Variants in PCDH11X observed in about 807,000 individuals in gnomAD.
PCDH11X encodes the protein protocadherin 11 X-linked.
PCDH11X carries 18 observed loss-of-function variants against 53.3 expected under a neutral mutation model. The ratio of observed to expected loss-of-function variants is 0.34; its 90% CI spans 0.23 to 0.50. PCDH11X has a LOEUF of 0.50. Among genes scored for constraint, PCDH11X ranks in the 20% least tolerant of loss-of-function variants. The pLI is 0.98. For synonymous variants in PCDH11X, 279 were observed against 393.3 expected, an observed-to-expected ratio of 0.71 and a Z score of 3.44; for missense variants, 570 against 1,032.4, an observed-to-expected ratio of 0.55 and a Z score of 6.14.
chrX:92,585,234 G>A (rs183326021), intron 10 of PCDH11X, among the ~76,000 whole-genome samples: 24 of 110,673 alleles, frequency 2.2e-4, no homozygotes, highest in African/African-American at 7.6e-4. Context: ...CCCGTAATCC[G>A]ATCACCTCCC....
At chrX:92,537,839 T>C (rs1241720639) in intron 10 of PCDH11X, among the ~76,000 whole-genome samples, 1 of 109,747 alleles carries the variant, frequency 9.1e-6, no homozygotes, top group Non-Finnish European at 1.9e-5. Flanking sequence ...TTTTTGTATA[T>C]TGATTTTGTA....
At chrX:92,337,165 G>A (rs2069640886) in intron 8 of PCDH11X, among the ~76,000 whole-genome samples, 1 of 107,684 alleles carries the variant, frequency 9.3e-6, no homozygotes, top group South Asian at 4.1e-4. Context: ...ATGGCCAGTG[G>A]AATGCAATTT....
intron 8 of PCDH11X, among the ~76,000 whole-genome samples, chrX:92,270,234 G>A (rs1481671155): frequency 9.2e-6 from 1 of 108,461 alleles, no homozygotes; most frequent in African/African-American, 3.4e-5. Flanking sequence ...TCAGGCTCCT[G>A]TTCCAAGTAG....
rs751795087 is a variant in PCDH11X, at chrX:92,364,855, A to G, written c.3145-22880A>G. On this transcript the variant is annotated intron_variant, in intron 8 of 10. Transcript: ENST00000682573. ...TGTAGTGCACTAAAAAGACTGCAAG[A>G]TTGCACCTGTGAATAGACACTCCAC... Among the ~76,000 whole-genome samples the G allele has an allele frequency of 1.1e-4, 10 of 94,255 alleles. No individual in the cohort carries two copies. In the South Asian group the frequency reaches 5.4e-3, roughly 51 times the overall value. 81.8% of individuals were successfully genotyped at this position (94,255 alleles called of 115,157 possible).
At chrX:92,605,464 A>G (rs72608345) in intron 10 of PCDH11X, among the ~76,000 whole-genome samples, 26,598 of 110,170 alleles carry the variant, frequency 0.24, 2,621 homozygotes, top group African/African-American at 0.33. Context: ...AGGTTTTACC[A>G]CAAGTAACTA....
At chrX:92,136,237 G>T (rs1026619165) in intron 6 of PCDH11X, among the ~76,000 whole-genome samples, 2 of 110,619 alleles carry the variant, frequency 1.8e-5, no homozygotes, top group African/African-American at 6.6e-5. Context: ...GTGGCTATTT[G>T]GGGGAAGCTT....
chrX:92,247,480 G>A (rs1200038967), intron 7 of PCDH11X, among the ~76,000 whole-genome samples: 4 of 111,998 alleles, frequency 3.6e-5, no homozygotes, highest in Non-Finnish European at 7.5e-5. Context: ...ACATTGCCAC[G>A]AAGTTTGGTG....
intron 6 of PCDH11X, among the ~76,000 whole-genome samples, chrX:92,087,945 TATATATATAAGAA>T (rs201166873): frequency 0.038 from 4,040 of 105,611 alleles, 155 homozygotes; most frequent in African/African-American, 0.096. Context: ...ATATATATGA[TATATATATAAGAA>T]ATATATATAA....
intron 6 of PCDH11X, among the ~76,000 whole-genome samples, chrX:92,173,570 C>T (rs1431703820): frequency 9.3e-6 from 1 of 107,245 alleles, no homozygotes; most frequent in African/African-American, 3.4e-5. Flanking sequence ...GAAACAGTCA[C>T]ATAGAAAAAA....
intron 7 of PCDH11X, among the ~76,000 whole-genome samples, chrX:92,240,660 T>A (rs2067247227): frequency 8.9e-6 from 1 of 111,815 alleles, no homozygotes; most frequent in South Asian, 3.7e-4. Context: ...AGACATATGA[T>A]AAAATTTATC....
At chrX:92,399,049 C>A (rs934029790) in intron 9 of PCDH11X, among the ~76,000 whole-genome samples, 1 of 108,523 alleles carries the variant, frequency 9.2e-6, no homozygotes, top group African/African-American at 3.4e-5. Context: ...AAAAATTAGC[C>A]GGTCGTGGTG....
chrX:92,329,273 A>G (rs1314131467), intron 8 of PCDH11X, among the ~76,000 whole-genome samples: 9 of 111,423 alleles, frequency 8.1e-5, no homozygotes. Context: ...CTAGGACTAG[A>G]AGAGAAGCGT....
chrX:92,471,820 A>G (rs1401912727), intron 10 of PCDH11X, among the ~76,000 whole-genome samples: 1 of 105,741 alleles, frequency 9.5e-6, no homozygotes, highest in Admixed American at 1.0e-4. Flanking sequence ...GTGAGATAGT[A>G]TCTCATTGTG....
chrX:92,200,855 T>A (rs1297465336), intron 6 of PCDH11X, among the ~76,000 whole-genome samples: 1 of 109,145 alleles, frequency 9.2e-6, no homozygotes, highest in African/African-American at 3.3e-5. Context: ...AGCTTAAATG[T>A]CAGCCATTTA....
Position 92,548,229 on chromosome X carries a change from A to G in PCDH11X, c.3368-70035A>G, listed in dbSNP as rs749017757. Among the ~76,000 whole-genome samples, 5 of 110,123 alleles carry G rather than the reference A, an allele frequency of 4.5e-5. No individual in the cohort carries two copies. The South Asian group carries it at 1.6e-3, about 35-fold the overall frequency. On this transcript the variant is annotated intron_variant, in intron 10 of 10. Transcript: ENST00000682573. ...CAGTTGTCCAGGCTGGAGTGCAGTGACACAATCATGGCTCACTGCTCGCTT... is the reference window on the plus strand; with the variant it reads ...CAGTTGTCCAGGCTGGAGTGCAGTGGCACAATCATGGCTCACTGCTCGCTT...
chrX:92,179,180 AG>A (rs2148288650), intron 6 of PCDH11X, among the ~76,000 whole-genome samples: 1 of 112,409 alleles, frequency 8.9e-6, no homozygotes, highest in Non-Finnish European at 1.9e-5. Context: ...TGGAAACAAA[AG>A]CTGACTATTT....
chrX:92,452,881 GT>G (rs1242830248), intron 9 of PCDH11X, among the ~76,000 whole-genome samples: 2 of 79,355 alleles, frequency 2.5e-5, no homozygotes, highest in African/African-American at 6.9e-5. Context: ...CTGTATTATT[GT>G]TTTTGTTATT....
chrX:92,113,513 C>T lies in PCDH11X; in HGVS notation c.3034-87862C>T. The stretch of plus-strand genomic sequence containing the variant: ...ACTCTGCTAGAGCCAGAACGAAACT[C>T]CCTCGTGATCACGTCTCGCTCCTTT... On this transcript the variant is annotated intron_variant, in intron 6 of 10. Transcript: ENST00000682573. 9 of 1,201,277 alleles carry T rather than the reference C, an allele frequency of 7.5e-6. 1 individual carries two copies. The highest frequency in any genetic ancestry group is 7.4e-5 in the African/African-American group (4 of 54,228).
chrX:92,045,938 C>CA (rs201666869), intron 6 of PCDH11X, among the ~76,000 whole-genome samples: 1,948 of 90,719 alleles, frequency 0.021, 60 homozygotes, highest in African/African-American at 0.073. Context: ...GACTCCATTA[C>CA]AAAAAAAAAA....
Sources: gnomAD v4.1 joint callset for allele counts (sites outside exome capture counted in the v4.1 genomes callset) on GRCh38, gnomAD v4.1.1 for gene constraint, MANE v1.5 for transcripts, NCBI Gene and HGNC (gene_info 2026-07-23, HGNC 2026-07-21) for gene names.